The following GALNT13 variants were observed in gnomAD, a reference collection of about 807,000 sequenced individuals.
GALNT13 encodes the protein UDP-GalNAc:polypeptide N-acetylgalactosaminyltransferase 13.
A neutral mutation model predicts 64.2 loss-of-function variants in GALNT13; 28 were observed. The ratio of observed to expected loss-of-function variants is 0.44; its 90% CI spans 0.32 to 0.60. The LOEUF is 0.60. Ranked by LOEUF, GALNT13 falls within the 20% of genes least tolerant of loss-of-function variation. The pLI is 0.05. For synonymous variants in GALNT13, 214 were observed against 224.6 expected, an observed-to-expected ratio of 0.95 and a Z score of 0.42; for missense variants, 577 against 669.8, an observed-to-expected ratio of 0.86 and a Z score of 1.53.
chr2:153,680,422 A>G, the GALNT13 span, among the ~76,000 whole-genome samples: 3 of 151,908 alleles, frequency 2.0e-5, no homozygotes, highest in African/African-American at 7.2e-5. Flanking sequence ...AATAGCAGTT[A>G]TCACTGCACA....
At chr2:153,264,695 A>G in the GALNT13 span, among the ~76,000 whole-genome samples, 1 of 152,240 alleles carries the variant, frequency 6.6e-6, no homozygotes, top group African/African-American at 2.4e-5. Context: ...GAGCTAATGC[A>G]GGAACCAAAA....
At chr2:153,495,602 C>T in the GALNT13 span, among the ~76,000 whole-genome samples, 7 of 152,110 alleles carry the variant, frequency 4.6e-5, no homozygotes. Flanking sequence ...CTGATGCAAA[C>T]AACATATTGG....
At chr2:154,204,855 G>A (rs983459500) in intron 4 of GALNT13, among the ~76,000 whole-genome samples, 2 of 152,170 alleles carry the variant, frequency 1.3e-5, no homozygotes, top group South Asian at 2.1e-4. Flanking sequence ...TCAAGTGTCA[G>A]TTCTCCCCTC....
the GALNT13 span, among the ~76,000 whole-genome samples, chr2:153,623,261 T>C: frequency 6.6e-6 from 1 of 152,136 alleles, no homozygotes; most frequent in South Asian, 2.1e-4. Context: ...AAAATTACTT[T>C]ATACCCTTCC....
chr2:153,951,699 G>A (rs550210615), intron 3 of GALNT13, among the ~76,000 whole-genome samples: 1 of 152,192 alleles, frequency 6.6e-6, no homozygotes, highest in South Asian at 2.1e-4. Flanking sequence ...ATGCCTGTTA[G>A]GGCTCTGAAA....
chr2:153,263,251 A>G, the GALNT13 span, among the ~76,000 whole-genome samples: 1 of 152,102 alleles, frequency 6.6e-6, no homozygotes, highest in Non-Finnish European at 1.5e-5. Context: ...GAAGTGAAGG[A>G]CCTCTTCAAG....
intron 3 of GALNT13, among the ~76,000 whole-genome samples, chr2:154,066,863 T>C (rs1290500945): frequency 6.6e-6 from 1 of 152,048 alleles, no homozygotes; most frequent in Non-Finnish European, 1.5e-5. Flanking sequence ...TTGTGGTATA[T>C]CAACAATGTA....
At chr2:154,329,114 T>C (rs570529745) in intron 9 of GALNT13, among the ~76,000 whole-genome samples, 31 of 152,278 alleles carry the variant, frequency 2.0e-4, no homozygotes, top group African/African-American at 6.3e-4. Flanking sequence ...GGTTCCTTTT[T>C]TCTTTTTGTT....
the GALNT13 span, among the ~76,000 whole-genome samples, chr2:153,568,782 TC>T: frequency 2.6e-5 from 4 of 152,270 alleles, no homozygotes; most frequent in African/African-American, 4.8e-5. Flanking sequence ...CATACATACC[TC>T]CCGAAAGTTA....
At chr2:153,664,702 G>A in the GALNT13 span, among the ~76,000 whole-genome samples, 1 of 152,146 alleles carries the variant, frequency 6.6e-6, no homozygotes, top group African/African-American at 2.4e-5. Context: ...GTATTAATTT[G>A]GGGAACTAAT....
At chr2:154,074,946 A>G (rs1700910776) in intron 3 of GALNT13, among the ~76,000 whole-genome samples, 1 of 151,962 alleles carries the variant, frequency 6.6e-6, no homozygotes, top group African/African-American at 2.4e-5. Flanking sequence ...CCAACATCAT[A>G]CTGAATGGGC....
the GALNT13 span, among the ~76,000 whole-genome samples, chr2:153,225,351 A>G: frequency 6.6e-6 from 1 of 152,354 alleles, no homozygotes; most frequent in South Asian, 2.1e-4. Context: ...ACAACCTGAT[A>G]AAAACATCTA....
At chr2:153,685,097 G>A in the GALNT13 span, among the ~76,000 whole-genome samples, 1 of 151,694 alleles carries the variant, frequency 6.6e-6, no homozygotes, top group South Asian at 2.1e-4. Context: ...TCGCTATTGT[G>A]AATAGTGCTG....
chr2:153,631,803 T>G, the GALNT13 span, among the ~76,000 whole-genome samples: 1 of 152,318 alleles, frequency 6.6e-6, no homozygotes, highest in East Asian at 1.9e-4. Flanking sequence ...CAGAAGCTCT[T>G]TAGTTTAATT....
At chr2:153,535,490 AG>A in the GALNT13 span, among the ~76,000 whole-genome samples, 1 of 152,292 alleles carries the variant, frequency 6.6e-6, no homozygotes, top group Admixed American at 6.5e-5. Flanking sequence ...GGTGAATAGG[AG>A]TATGACTAGA....
chr2:154,144,674 T>C (rs1329587009), intron 4 of GALNT13, among the ~76,000 whole-genome samples: 2 of 152,102 alleles, frequency 1.3e-5, no homozygotes, highest in East Asian at 3.9e-4. Context: ...TGTTTGACGC[T>C]AATATCAATT....
intron 3 of GALNT13, among the ~76,000 whole-genome samples, chr2:154,125,376 A>G (rs1011576632): frequency 2.6e-5 from 4 of 152,146 alleles, no homozygotes; most frequent in Admixed American, 2.6e-4. Context: ...TTACTAGCAT[A>G]CTCCAAGAAT....
At chr2:153,162,282 T>G in the GALNT13 span, among the ~76,000 whole-genome samples, 1 of 152,236 alleles carries the variant, frequency 6.6e-6, no homozygotes, top group African/African-American at 2.4e-5. Context: ...TTTTAGCAGT[T>G]AATTTTCACA....
At chr2:154,092,982 G>A (rs567036937) in intron 3 of GALNT13, among the ~76,000 whole-genome samples, 15 of 151,876 alleles carry the variant, frequency 9.9e-5, no homozygotes, top group African/African-American at 3.6e-4. Flanking sequence ...AATGTAAAAC[G>A]CACAACACGT....
Sources: gnomAD v4.1 joint callset for allele counts (sites outside exome capture counted in the v4.1 genomes callset) on GRCh38, gnomAD v4.1.1 for gene constraint, MANE v1.5 for transcripts, NCBI Gene and HGNC (gene_info 2026-07-23, HGNC 2026-07-21) for gene names.